The following MSI2 variants were observed in gnomAD, a reference collection of about 807,000 sequenced individuals.
The protein encoded by MSI2 is RNA-binding protein Musashi homolog 2.
A neutral mutation model predicts 45.6 loss-of-function variants in MSI2; 17 were observed. The observed-to-expected ratio is 0.37, with a 90% confidence interval of 0.26 to 0.56. The LOEUF (loss-of-function observed/expected upper bound fraction) is 0.56. MSI2 is among the 20% of genes least tolerant of loss of function. The pLI, the probability that MSI2 is intolerant of heterozygous loss-of-function variation, is 0.77. For synonymous variants in MSI2, 156 were observed against 158.2 expected, an observed-to-expected ratio of 0.99 and a Z score of 0.11; for missense variants, 293 against 444.2, an observed-to-expected ratio of 0.66 and a Z score of 3.06.
intron 6 of MSI2, among the ~76,000 whole-genome samples, chr17:57,466,044 T>G (rs1195324099): frequency 1.3e-5 from 2 of 152,122 alleles, no homozygotes; most frequent in Non-Finnish European, 2.9e-5. Context: ...ACACTCCCCC[T>G]GAGGAGTGTG....
intron 7 of MSI2, among the ~76,000 whole-genome samples, chr17:57,563,738 A>C (rs1406094866): frequency 2.9e-5 from 4 of 138,570 alleles, no homozygotes; most frequent in Non-Finnish European, 6.1e-5. Flanking sequence ...TCACACACAC[A>C]CAGGCGCGCA....
At chr17:57,281,151 G>C (rs1909382926) in intron 5 of MSI2, among the ~76,000 whole-genome samples, 1 of 152,078 alleles carries the variant, frequency 6.6e-6, no homozygotes, top group Non-Finnish European at 1.5e-5. Context: ...ATGTTTGCTA[G>C]TCTGTGTGTG....
intron 6 of MSI2, among the ~76,000 whole-genome samples, chr17:57,518,709 G>A (rs755873791): frequency 2.0e-5 from 3 of 152,092 alleles, no homozygotes; most frequent in Admixed American, 1.3e-4. Context: ...TGGAGAGGGG[G>A]AGAAGGGAGC....
intron 6 of MSI2, among the ~76,000 whole-genome samples, chr17:57,508,435 T>C (rs1187352448): frequency 6.6e-6 from 1 of 152,210 alleles, no homozygotes. Context: ...AAGATTCAAA[T>C]GACAGGAACC....
chr17:57,541,921 C>G (rs1162211638), intron 7 of MSI2, among the ~76,000 whole-genome samples: 1 of 152,158 alleles, frequency 6.6e-6, no homozygotes, highest in Non-Finnish European at 1.5e-5. Flanking sequence ...TGCCTGCGTT[C>G]TAGCACCCTA....
rs1479006815 is a variant in MSI2 at position 57,635,867 on chromosome 17, G to A, written c.727+8564G>A. On this transcript the variant is annotated intron_variant, in intron 10 of 13. Coordinates refer to ENST00000284073, the MANE Select transcript of MSI2 (RefSeq NM_138962.4). ...TCAGCAGAAAGGACGGCTGTGATTAGCGATGTGGCCGATTGCTGTACCAGG... is the reference window on the plus strand; with the variant it reads ...TCAGCAGAAAGGACGGCTGTGATTAACGATGTGGCCGATTGCTGTACCAGG... Among the ~76,000 whole-genome samples, 3 of 152,272 alleles carry A rather than the reference G, an allele frequency of 2.0e-5. No homozygotes were observed. In the East Asian group the frequency reaches 5.8e-4, roughly 29 times the overall value.
chr17:57,375,206 A>C (rs2083476077), intron 5 of MSI2, among the ~76,000 whole-genome samples: 1 of 152,194 alleles, frequency 6.6e-6, no homozygotes, highest in African/African-American at 2.4e-5. Flanking sequence ...GAGGGTCAAA[A>C]ATGGAGCGAG....
In MSI2 at chr17:57,257,223, C is replaced by T. The variant is rs1325866544; in HGVS notation, c.103+85C>T. 2.5e-5 allele frequency: 13 copies of T among 526,354 alleles called. 2 individuals are homozygous for T. Among genetic ancestry groups the T allele is most frequent in the Admixed American group, 4.8e-5 (1 of 21,022 alleles). 32.6% of individuals were successfully genotyped at this position (526,354 alleles called of 1,614,324 possible). A position where few individuals can be genotyped will look rare whatever the true frequency, so the allele number is the denominator to read the frequency against. ...TGTTATCCCGGTGTAGGAGCCCCCCCCCCCCCGCCATTGGCTCCCCACTTC... is the reference window on the plus strand; with the variant it reads ...TGTTATCCCGGTGTAGGAGCCCCCCTCCCCCCGCCATTGGCTCCCCACTTC... On this transcript the variant is annotated intron_variant, in intron 2 of 13. Transcript: ENST00000284073.
intron 5 of MSI2, among the ~76,000 whole-genome samples, chr17:57,388,062 C>T (rs985369118): frequency 1.3e-5 from 2 of 152,226 alleles, no homozygotes; most frequent in Non-Finnish European, 2.9e-5. Context: ...GGGATTGGAA[C>T]CTGGCCTTCC....
intron 5 of MSI2, among the ~76,000 whole-genome samples, chr17:57,376,568 C>T (rs2083500568): frequency 6.6e-6 from 1 of 152,204 alleles, no homozygotes; most frequent in Non-Finnish European, 1.5e-5. Flanking sequence ...GCTAGATTGA[C>T]TGGAGATCTG....
At chr17:57,382,068 A>C (rs1210941515) in intron 5 of MSI2, among the ~76,000 whole-genome samples, 6 of 152,236 alleles carry the variant, frequency 3.9e-5, no homozygotes, top group African/African-American at 1.4e-4. Context: ...AATAGTTTAC[A>C]TCCTGTGCAG....
intron 6 of MSI2, among the ~76,000 whole-genome samples, chr17:57,451,489 C>T (rs964732304): frequency 1.3e-5 from 2 of 152,220 alleles, no homozygotes; most frequent in African/African-American, 2.4e-5. Flanking sequence ...TGTCCTGTGA[C>T]ATTTCTGCAG....
intron 7 of MSI2, among the ~76,000 whole-genome samples, chr17:57,540,194 A>G (rs754654720): frequency 3.3e-4 from 50 of 152,222 alleles, no homozygotes; most frequent in Non-Finnish European, 2.2e-4. Flanking sequence ...TTTAAGTGAG[A>G]TAGTTTATCT....
At chr17:57,614,145 G>A (rs576215574) in intron 8 of MSI2, among the ~76,000 whole-genome samples, 14 of 152,212 alleles carry the variant, frequency 9.2e-5, no homozygotes, top group African/African-American at 3.4e-4. Flanking sequence ...CCACCTCCCG[G>A]GTTCAAGCGA....
At chr17:57,314,752 A>G (rs1013246030) in intron 5 of MSI2, among the ~76,000 whole-genome samples, 8 of 151,786 alleles carry the variant, frequency 5.3e-5, no homozygotes, top group Non-Finnish European at 1.0e-4. Context: ...TTGTATTTTT[A>G]GTAAAAACGG....
chr17:57,524,102 C>T (rs889127640), intron 6 of MSI2, among the ~76,000 whole-genome samples: 2 of 152,218 alleles, frequency 1.3e-5, no homozygotes, highest in African/African-American at 4.8e-5. Flanking sequence ...TGGCCCTGCT[C>T]CATGTGCCAC....
intron 10 of MSI2, chr17:57,632,599 A>C: frequency 2.8e-6 from 3 of 1,066,402 alleles, no homozygotes; most frequent in Non-Finnish European, 3.4e-6. Flanking sequence ...CAGGGGGCCC[A>C]TCCTGATCAG....
At chr17:57,444,468 C>G (rs2084859064) in intron 6 of MSI2, 1 of 152,118 alleles carries the variant, frequency 6.6e-6, no homozygotes, top group Non-Finnish European at 1.5e-5. Context: ...CCTGTAATCC[C>G]AGCAACTCGG....
intron 7 of MSI2, among the ~76,000 whole-genome samples, chr17:57,531,117 G>T (rs1173858605): frequency 1.3e-5 from 2 of 152,128 alleles, no homozygotes; most frequent in Non-Finnish European, 2.9e-5. Flanking sequence ...GGCAATTGAG[G>T]ATTATCCTCC....
Sources: gnomAD v4.1 joint callset for allele counts (sites outside exome capture counted in the v4.1 genomes callset) on GRCh38, gnomAD v4.1.1 for gene constraint, MANE v1.5 for transcripts, NCBI Gene and HGNC (gene_info 2026-07-23, HGNC 2026-07-21) for gene names.